The following FAM168A variants were observed in gnomAD, a reference collection of about 807,000 sequenced individuals.
The protein encoded by FAM168A is protein FAM168A.
Under a neutral mutation model 28.5 loss-of-function variants are expected in FAM168A, and 3 were observed. The ratio of observed to expected loss-of-function variants is 0.11; its 90% CI spans 0.05 to 0.27. The LOEUF (loss-of-function observed/expected upper bound fraction) is 0.27. FAM168A is among the 10% of genes least tolerant of loss of function. The pLI is 1.00. For synonymous variants in FAM168A, 122 were observed against 124.2 expected (o/e 0.98, Z 0.12); for missense variants, 222 against 311.5 (o/e 0.71, Z 2.16).
intron 1 of FAM168A, among the ~76,000 whole-genome samples, chr11:73,549,540 T>C (rs1237745779): frequency 6.6e-6 from 1 of 152,194 alleles, no homozygotes; most frequent in Non-Finnish European, 1.5e-5. Context: ...GACAGCGCTA[T>C]GTCTAAATTC....
chr11:73,491,090 A>C (rs935592511), intron 1 of FAM168A, among the ~76,000 whole-genome samples: 2 of 152,192 alleles, frequency 1.3e-5, no homozygotes, highest in African/African-American at 2.4e-5. Flanking sequence ...TGAAATTATT[A>C]TATTTATTCC....
chr11:73,448,648 T>C (rs1004208614), intron 2 of FAM168A, among the ~76,000 whole-genome samples: 3 of 152,198 alleles, frequency 2.0e-5, no homozygotes, highest in African/African-American at 4.8e-5. Flanking sequence ...CAATGAGATG[T>C]ACACAGAAGT....
intron 4 of FAM168A, among the ~76,000 whole-genome samples, 174 bp downstream of exon 4, chr11:73,419,698 CAA>C (rs964466893): frequency 4.6e-5 from 7 of 152,250 alleles, no homozygotes; most frequent in Admixed American, 2.6e-4. Flanking sequence ...AGTGCATGAT[CAA>C]AGAGAATGAC....
intron 1 of FAM168A, among the ~76,000 whole-genome samples, chr11:73,593,187 A>G (rs2134750288): frequency 6.6e-6 from 1 of 152,286 alleles, no homozygotes; most frequent in East Asian, 1.9e-4. Flanking sequence ...TCTCTGAGGG[A>G]GAGAGAAGAT....
At chr11:73,593,012 AAATAAG>A (rs1944399918) in intron 1 of FAM168A, among the ~76,000 whole-genome samples, 3 of 152,238 alleles carry the variant, frequency 2.0e-5, no homozygotes, top group Non-Finnish European at 2.9e-5. Context: ...AAAAGTTAAA[AAATAAG>A]AATAAGAATA....
Position 73,433,076 on chromosome 11 carries a change from C to CTTTTTTTT in FAM168A, c.71-2314_71-2307dup, listed in dbSNP as rs34994742. On this transcript the variant is annotated intron_variant, in intron 2 of 7. Transcript: ENST00000356467. The stretch of plus-strand genomic sequence containing the variant: ...ACAGGTGCGTGCCACCACGCCCCGC[C>CTTTTTTTT]TTTTTTTTTTTTTTTTTTTTTTTTT... Among the ~76,000 whole-genome samples, 27 of 80,602 alleles carry CTTTTTTTT rather than the reference C, an allele frequency of 3.3e-4. 3 individuals carry two copies. The highest frequency in any genetic ancestry group is 1.6e-3 in the African/African-American group (23 of 14,700). 52.9% of individuals were successfully genotyped at this position (80,602 alleles called of 152,430 possible). A position where few individuals can be genotyped will look rare whatever the true frequency, so the allele number is the denominator to read the frequency against.
At chr11:73,480,485 G>A (rs1488403836) in intron 1 of FAM168A, among the ~76,000 whole-genome samples, 1 of 151,838 alleles carries the variant, frequency 6.6e-6, no homozygotes, top group African/African-American at 2.4e-5. Flanking sequence ...ACCTTACTAT[G>A]TGCCAATTCT....
intron 3 of FAM168A, among the ~76,000 whole-genome samples, chr11:73,426,256 C>T (rs79454499): frequency 0.018 from 2,729 of 152,272 alleles, 66 homozygotes; most frequent in African/African-American, 0.055. Flanking sequence ...TGATTGGCTC[C>T]TACCTCTTGT....
At chr11:73,478,797 T>TAA (rs1162163501) in intron 1 of FAM168A, among the ~76,000 whole-genome samples, 3 of 152,054 alleles carry the variant, frequency 2.0e-5, no homozygotes, top group Non-Finnish European at 4.4e-5. Flanking sequence ...GTCCCTGGGG[T>TAA]ATTTATATGA....
chr11:73,598,081 A>T lies in FAM168A; in HGVS notation c.-177T>A, dbSNP rs1170612116. 1 of 151,832 alleles carries T rather than the reference A, an allele frequency of 6.6e-6. No individual in the cohort carries two copies. The highest frequency in any genetic ancestry group is 2.4e-5 in the African/African-American group (1 of 41,258). 9.4% of individuals were successfully genotyped at this position (151,832 alleles called of 1,614,324 possible). A position where few individuals can be genotyped will look rare whatever the true frequency, so the allele number is the denominator to read the frequency against. On this transcript the variant is annotated 5_prime_UTR_variant, in exon 1 of 8. Transcript: ENST00000356467. ...CCTCCTCCTCAGCGACTCGGCTCTG[A>T]ATCCTCTGCAGTAGCCGCCGAGGAG...
intron 1 of FAM168A, chr11:73,510,754 A>G (rs558944180): frequency 1.4e-4 from 52 of 377,426 alleles, no homozygotes; most frequent in South Asian, 2.9e-4. Flanking sequence ...CTGAGCTATG[A>G]TATCAATTGG....
chr11:73,548,135 G>C (rs1943782821), intron 1 of FAM168A, among the ~76,000 whole-genome samples: 1 of 151,858 alleles, frequency 6.6e-6, no homozygotes, highest in African/African-American at 2.4e-5. Flanking sequence ...AGTTTTGCAA[G>C]AAAAAAATGT....
chr11:73,489,386 A>G (rs894467301), intron 1 of FAM168A, among the ~76,000 whole-genome samples: 4 of 152,176 alleles, frequency 2.6e-5, no homozygotes, highest in African/African-American at 9.7e-5. Context: ...TGTTCTAATC[A>G]AAGTCACCAG....
chr11:73,499,089 G>A (rs955281463), intron 1 of FAM168A, among the ~76,000 whole-genome samples: 12 of 152,102 alleles, frequency 7.9e-5, no homozygotes, highest in Non-Finnish European at 1.8e-4. Flanking sequence ...CCCTATACAG[G>A]AGCAATCCTA....
intron 1 of FAM168A, among the ~76,000 whole-genome samples, chr11:73,594,452 A>G (rs538457492): frequency 7.9e-5 from 12 of 151,968 alleles, no homozygotes; most frequent in African/African-American, 2.7e-4. Flanking sequence ...CTTTTTAACC[A>G]AAGTTAAGTG....
intron 1 of FAM168A, among the ~76,000 whole-genome samples, chr11:73,572,121 A>G (rs931223880): frequency 1.4e-5 from 2 of 147,536 alleles, no homozygotes; most frequent in African/African-American, 2.6e-5. Context: ...GGAAGTGAGG[A>G]GCGTTTCCGC....
intron 1 of FAM168A, among the ~76,000 whole-genome samples, chr11:73,497,301 C>T (rs2134618307): frequency 6.6e-6 from 1 of 152,164 alleles, no homozygotes; most frequent in South Asian, 2.1e-4. Context: ...CCCGTCTCTA[C>T]TAAAAATACA....
chr11:73,560,471 T>A (rs1025143141), intron 1 of FAM168A, among the ~76,000 whole-genome samples: 1 of 152,220 alleles, frequency 6.6e-6, no homozygotes, highest in Non-Finnish European at 1.5e-5. Flanking sequence ...AATAGCTTTG[T>A]AAGCCTTCAG....
intron 2 of FAM168A, among the ~76,000 whole-genome samples, chr11:73,447,253 GT>G (rs2134541008): frequency 6.6e-6 from 1 of 151,976 alleles, no homozygotes; most frequent in South Asian, 2.1e-4. Context: ...TACATTTCCA[GT>G]TTTCTCAAAT....
Sources: allele counts gnomAD v4.1 joint callset (sites outside exome capture counted in the v4.1 genomes callset), GRCh38; gene constraint gnomAD v4.1.1; transcripts MANE v1.5; gene names NCBI Gene and HGNC (gene_info 2026-07-23, HGNC 2026-07-21).